Variants in MTERF4 observed in about 807,000 individuals in gnomAD.
The protein encoded by MTERF4 is mitochondrial transcription termination factor 4.
MTERF4 carries 17 observed loss-of-function variants against 22.5 expected under a neutral mutation model. The ratio of observed to expected loss-of-function variants is 0.75; its 90% CI spans 0.52 to 1.13. The LOEUF is 1.13. Ranked by LOEUF, MTERF4 falls within the 50% of genes most tolerant of loss-of-function variation. MTERF4 has a pLI of 0.00. For missense variants in MTERF4, 420 were observed against 466.8 expected (o/e 0.90, Z 0.92); for synonymous variants, 165 against 175.3 (o/e 0.94, Z 0.47).
At chr2:241,087,490 C>G, downstream of MTERF4, 1 of 1,592,214 alleles carries the variant, frequency 6.3e-7, no homozygotes, top group Non-Finnish European at 8.6e-7. Context: ...CTCTGGGGAG[C>G]AGGCCCATGC....
At chr2:241,054,915 G>A in the MTERF4 span, among the ~76,000 whole-genome samples, 4 of 152,058 alleles carry the variant, frequency 2.6e-5, no homozygotes, top group African/African-American at 4.8e-5. Flanking sequence ...TCAGGAGTTC[G>A]AGACCAGCCT....
intron 4 of MTERF4, among the ~76,000 whole-genome samples, chr2:241,080,011 G>A (rs1322174525): frequency 2.0e-5 from 3 of 152,122 alleles, no homozygotes; most frequent in Admixed American, 1.3e-4. Context: ...TTGGCTGGGC[G>A]CAGTGGCTCA....
exon 5 of MTERF4, chr2:241,074,906 G>A (rs1409931154): frequency 1.3e-5 from 2 of 152,154 alleles, no homozygotes; most frequent in Admixed American, 1.3e-4. Context: ...TTTGTGCCTA[G>A]AATTCCTTTG....
At chr2:241,085,141 T>C (rs1225607345), downstream of MTERF4, among the ~76,000 whole-genome samples, 2 of 152,218 alleles carry the variant, frequency 1.3e-5, no homozygotes, top group African/African-American at 2.4e-5. Context: ...CTTGTATTTC[T>C]GGGTTTTAAT....
At chr2:241,088,514 AG>A (rs1431328123), downstream of MTERF4, 70 of 868,768 alleles carry the variant, frequency 8.1e-5, no homozygotes, top group Non-Finnish European at 1.0e-4. Flanking sequence ...GCACTGCTAA[AG>A]GAAGCGCGGT....
the MTERF4 span, chr2:241,064,261 G>A: frequency 6.5e-5 from 41 of 629,342 alleles, no homozygotes; most frequent in African/African-American, 5.1e-4. The surrounding 1 kb of genome is among the most constrained non-coding windows in gnomAD (Gnocchi z 7.0). Context: ...CGCCGCCTTG[G>A]AAGTCCCCTT....
At chr2:241,048,612 C>A in the MTERF4 span, 10 of 1,538,488 alleles carry the variant, frequency 6.5e-6, no homozygotes, top group African/African-American at 1.4e-4. Flanking sequence ...AGCGAGGGTG[C>A]CATCTTTCTG....
At chr2:241,062,953 C>T in the MTERF4 span, 1 of 1,252,028 alleles carries the variant, frequency 8.0e-7, no homozygotes, top group Non-Finnish European at 1.1e-6. Flanking sequence ...GCACACTGGC[C>T]ATGTGCCTGA....
Position 241,099,706 on chromosome 2 carries a change from C to T in MTERF4, c.210G>A (p.Arg70=). 6.2e-7 allele frequency: 1 copy of T among 1,614,222 alleles called. No homozygotes were observed. The highest frequency in any genetic ancestry group is 8.5e-7 in the Non-Finnish European group (1 of 1,180,040). The change falls in exon 2 of 4, where the codon AGG becomes AGA. Residue 70 remains arginine (R), a synonymous_variant. Coordinates refer to ENST00000391980, the MANE Select transcript of MTERF4 (RefSeq NM_182501.4). ...SNNYVQEPEC[R]RNLVQCLLEK... ...CAAGGAGGCACTGAACAAGATTCCT[C>T]CTGCACTCTGGTTCCTGCACATAGT...
downstream of MTERF4, among the ~76,000 whole-genome samples, chr2:241,067,225 C>G (rs1291570335): frequency 6.6e-6 from 1 of 152,214 alleles, no homozygotes; most frequent in Non-Finnish European, 1.5e-5. Flanking sequence ...GCGCTGCCCT[C>G]TGGGCTCTGC....
At chr2:241,070,099 G>A (rs772829170), downstream of MTERF4, 39 of 1,612,894 alleles carry the variant, frequency 2.4e-5, no homozygotes, top group Non-Finnish European at 3.1e-5. Flanking sequence ...CACGGTGCGC[G>A]ACCTGCTGCC....
At chr2:241,089,367 TA>T (rs542193760), downstream of MTERF4, 3,016 of 1,550,434 alleles carry the variant, frequency 1.9e-3, 43 homozygotes, top group African/African-American at 0.034. Context: ...GTTACGTGCC[TA>T]AAAAAATAAA....
At chr2:241,051,747 G>A in the MTERF4 span, 15 of 1,503,106 alleles carry the variant, frequency 1.0e-5, no homozygotes, top group African/African-American at 8.4e-5. This position sits in a 1 kb window ranked among gnomAD's most constrained non-coding sequence, Gnocchi z 4.7. Flanking sequence ...CACACAGCCC[G>A]GCCACACCTG....
the MTERF4 span, among the ~76,000 whole-genome samples, chr2:241,060,810 A>C: frequency 1.3e-5 from 2 of 152,134 alleles, no homozygotes; most frequent in Non-Finnish European, 2.9e-5. Context: ...ATGCACCTGT[A>C]GTCCCAGCTA....
At chr2:241,094,213 C>A, downstream of MTERF4, 1 of 427,470 alleles carries the variant, frequency 2.3e-6, no homozygotes, top group South Asian at 1.7e-5. The surrounding 1 kb of genome is among the most constrained non-coding windows in gnomAD (Gnocchi z 4.3). Context: ...GGAATCTTTG[C>A]TGTGCCCACT....
chr2:241,048,188 C>T, the MTERF4 span: 1 of 1,153,184 alleles, frequency 8.7e-7, no homozygotes, highest in Non-Finnish European at 1.2e-6. Flanking sequence ...AAATAAGCTT[C>T]TGGCTTAAAT....
chr2:241,054,393 C>A, the MTERF4 span, among the ~76,000 whole-genome samples: 1 of 151,954 alleles, frequency 6.6e-6, no homozygotes, highest in Non-Finnish European at 1.5e-5. Context: ...CATAGGGAGA[C>A]CTCATCTCTA....
chr2:241,098,500 C>T (rs2064556278), intron 2 of MTERF4, among the ~76,000 whole-genome samples: 3 of 152,128 alleles, frequency 2.0e-5, no homozygotes, highest in South Asian at 4.2e-4. Context: ...CTCCAGAAGG[C>T]CCTTAAAGAG....
At chr2:241,049,322 G>A in the MTERF4 span, among the ~76,000 whole-genome samples, 1 of 152,328 alleles carries the variant, frequency 6.6e-6, no homozygotes, top group East Asian at 1.9e-4. Context: ...CTCTTCCCCA[G>A]TGGAGTAAGC....
Sources: gnomAD v4.1 joint callset for allele counts (sites outside exome capture counted in the v4.1 genomes callset) on GRCh38, gnomAD v4.1.1 for gene constraint, Gnocchi (gnomAD v3.1) non-coding constraint, MANE v1.5 for transcripts, NCBI Gene and HGNC (gene_info 2026-07-23, HGNC 2026-07-21) for gene names.